COL21A1: variants seen among roughly 807,000 people sequenced by gnomAD.
COL21A1 encodes collagen alpha-1(XXI) chain.
A neutral mutation model predicts 137.9 loss-of-function variants in COL21A1; 149 were observed. That is an observed-to-expected ratio of 1.08 (90% CI 0.95 to 1.24). The LOEUF (loss-of-function observed/expected upper bound fraction) is 1.24. Ranked by LOEUF, COL21A1 falls within the 50% of genes most tolerant of loss-of-function variation. COL21A1 has a pLI of 0.00. For synonymous variants in COL21A1, 456 were observed against 391.5 expected (o/e 1.16, Z -1.95); for missense variants, 1,167 against 1,158.4 (o/e 1.01, Z -0.11).
intron 16 of COL21A1, among the ~76,000 whole-genome samples, chr6:56,118,089 C>T (rs963101089): frequency 6.6e-6 from 1 of 150,684 alleles, no homozygotes; most frequent in Non-Finnish European, 1.5e-5. Context: ...AAGATCAGAG[C>T]AGAAATCAAT....
intron 12 of COL21A1, among the ~76,000 whole-genome samples, chr6:56,135,643 T>C (rs763062718): frequency 2.0e-4 from 30 of 152,284 alleles, no homozygotes; most frequent in Admixed American, 1.0e-3. Context: ...CTGAGAAATA[T>C]ATTCAAAGAT....
intron 1 of COL21A1, among the ~76,000 whole-genome samples, chr6:56,272,199 CA>C: frequency 6.6e-6 from 1 of 152,354 alleles, no homozygotes; most frequent in East Asian, 1.9e-4. Context: ...AAAGCAGTCA[CA>C]GGGGCAGAGC....
chr6:56,101,541 C>CA lies in COL21A1; in HGVS notation c.1759-17dup, dbSNP rs752692336. The CA allele has an allele frequency of 6.4e-7, 1 of 1,569,902 alleles. No individual in the cohort carries two copies. The highest frequency in any genetic ancestry group is 1.2e-5 in the South Asian group (1 of 85,448). On this transcript the variant is annotated splice_polypyrimidine_tract_variant and intron_variant, in intron 16 of 29. Transcript: ENST00000244728. ...CTGCTTCTCCCTTTTAATGATTTGACAAAAAGAAATAGAGAATTCAGTTTT... is the reference window on the plus strand; with the variant it reads ...CTGCTTCTCCCTTTTAATGATTTGACAAAAAAGAAATAGAGAATTCAGTTTT...
chr6:56,376,874 A>G (rs913696393), intron 1 of COL21A1, among the ~76,000 whole-genome samples: 1 of 129,596 alleles, frequency 7.7e-6, no homozygotes, highest in Non-Finnish European at 1.6e-5. Flanking sequence ...ACAACTGTCT[A>G]TAGAAAAAAA....
intron 20 of COL21A1, among the ~76,000 whole-genome samples, chr6:56,072,946 A>G (rs1766884719): frequency 6.6e-6 from 1 of 151,520 alleles, no homozygotes; most frequent in Non-Finnish European, 1.5e-5. Context: ...AAAATAAACA[A>G]ACTGTGATAC....
chr6:56,309,225 G>C (rs2152339181), intron 1 of COL21A1, among the ~76,000 whole-genome samples: 1 of 152,156 alleles, frequency 6.6e-6, no homozygotes, highest in Middle Eastern at 3.4e-3. Context: ...TATTTTAGTA[G>C]AGACAGGGTT....
At chr6:56,074,147 G>C (rs1472715962) in intron 20 of COL21A1, 85 bp downstream of exon 20, 1 of 855,854 alleles carries the variant, frequency 1.2e-6, no homozygotes, top group African/African-American at 1.8e-5. Context: ...ATACAATCAA[G>C]GTAGTAGTAA....
At chr6:56,273,023 C>A (rs370703211) in intron 1 of COL21A1, among the ~76,000 whole-genome samples, 73 of 152,262 alleles carry the variant, frequency 4.8e-4, no homozygotes, top group African/African-American at 1.7e-3. Context: ...CAAAATCATA[C>A]CAACCACTTC....
At chr6:56,354,946 T>C (rs9367683) in intron 1 of COL21A1, among the ~76,000 whole-genome samples, 1 of 152,044 alleles carries the variant, frequency 6.6e-6, no homozygotes, top group Non-Finnish European at 1.5e-5. Flanking sequence ...TTGGTCACCA[T>C]TGGACAGTAA....
intron 1 of COL21A1, among the ~76,000 whole-genome samples, chr6:56,255,405 A>G (rs1351621677): frequency 6.6e-6 from 1 of 150,424 alleles, no homozygotes; most frequent in Non-Finnish European, 1.5e-5. Flanking sequence ...GCCCCAGTCT[A>G]ATTGCATAGA....
At chr6:56,298,542 G>T (rs1764210429) in intron 1 of COL21A1, among the ~76,000 whole-genome samples, 1 of 152,016 alleles carries the variant, frequency 6.6e-6, no homozygotes, top group Admixed American at 6.6e-5. Context: ...AAGGAGAAAT[G>T]ATCTAAAAAT....
chr6:56,361,638 A>ACC (rs1765967764), intron 1 of COL21A1, among the ~76,000 whole-genome samples: 2 of 152,152 alleles, frequency 1.3e-5, no homozygotes, highest in Non-Finnish European at 2.9e-5. Context: ...AAATGGTAAT[A>ACC]ATAGGAAACT....
In COL21A1 at chr6:56,129,699, T is replaced by TGTGTGTGTGTGTGA. The variant is rs1450514214; in HGVS notation, c.1543-3551_1543-3550insTCACACACACACAC. Among the ~76,000 whole-genome samples the TGTGTGTGTGTGTGA allele has an allele frequency of 2.4e-3, 295 of 120,498 alleles. 1 individual carries two copies. Among genetic ancestry groups the TGTGTGTGTGTGTGA allele is most frequent in the African/African-American group, 7.4e-3 (240 of 32,360 alleles). 79.1% of individuals were successfully genotyped at this position (120,498 alleles called of 152,430 possible). A position where few individuals can be genotyped will look rare whatever the true frequency, so the allele number is the denominator to read the frequency against. ...GCGTGTGTGTGTGTGTGTGTGTGTG[T>TGTGTGTGTGTGTGA]GAGAGAGAGAGAGAGAGAGAGAGAC... On this transcript the variant is annotated intron_variant, in intron 12 of 29. Coordinates refer to ENST00000244728, the MANE Select transcript of COL21A1 (RefSeq NM_030820.4).
At chr6:56,129,640 C>T (rs12203286) in intron 12 of COL21A1, among the ~76,000 whole-genome samples, 22,552 of 145,304 alleles carry the variant, frequency 0.16, 1,724 homozygotes, top group Middle Eastern at 0.23. Flanking sequence ...CACGTGCGTG[C>T]GTGTGTGTGT....
At chr6:56,327,665 C>T (rs950843723) in intron 1 of COL21A1, among the ~76,000 whole-genome samples, 9 of 152,084 alleles carry the variant, frequency 5.9e-5, no homozygotes, top group Non-Finnish European at 1.3e-4. Context: ...GAACCATACC[C>T]AGTTTGGAAT....
intron 1 of COL21A1, among the ~76,000 whole-genome samples, chr6:56,245,788 C>A (rs576968845): frequency 7.2e-5 from 11 of 152,252 alleles, no homozygotes; most frequent in Non-Finnish European, 1.3e-4. Context: ...CTAAATTTCC[C>A]CCAGATTCTC....
Position 56,070,811 on chromosome 6 carries a change from C to G in COL21A1, c.1966-13G>C. The G allele has an allele frequency of 6.3e-7, 1 of 1,586,382 alleles. No individual in the cohort carries two copies. Among genetic ancestry groups the G allele is most frequent in the Non-Finnish European group, 8.6e-7 (1 of 1,168,764 alleles). ...CACCTTTGCTTCCCTGTCAACACAT[C>G]AAAAACATTGGAGTTTTTTAAAAAC... On this transcript the variant is annotated splice_polypyrimidine_tract_variant and intron_variant, in intron 20 of 29. Transcript: ENST00000244728.
chr6:56,262,304 A>G lies in COL21A1; in HGVS notation c.-38-79648T>C, dbSNP rs1429863401. Among the ~76,000 whole-genome samples, 4 of 152,196 alleles carry G rather than the reference A, an allele frequency of 2.6e-5. No homozygotes were observed. In the East Asian group the frequency reaches 5.8e-4, roughly 22 times the overall value. On this transcript the variant is annotated intron_variant, in intron 1 of 28. Coordinates refer to the COL21A1 transcript ENST00000370819. Reference sequence around the variant, plus strand: ...ACCATCCTCTGTACTTTCATTTACTATTCCCACAATAACAGTAGCTAGCTA... The same window carrying G: ...ACCATCCTCTGTACTTTCATTTACTGTTCCCACAATAACAGTAGCTAGCTA...
chr6:56,210,268 A>G (rs1404538368), intron 1 of COL21A1, among the ~76,000 whole-genome samples: 5 of 152,158 alleles, frequency 3.3e-5, no homozygotes, highest in Non-Finnish European at 5.9e-5. Flanking sequence ...TAAAAAAAGA[A>G]TAATTTAAAT....
Sources: gnomAD v4.1 joint callset for allele counts (sites outside exome capture counted in the v4.1 genomes callset) on GRCh38, gnomAD v4.1.1 for gene constraint, MANE v1.5 for transcripts, NCBI Gene and HGNC (gene_info 2026-07-23, HGNC 2026-07-21) for gene names.